The following SULT4A1 variants were observed in gnomAD, a reference collection of about 807,000 sequenced individuals.
The protein encoded by SULT4A1 is sulfotransferase family 4A member 1, also known as sulfotransferase 4A1.
Under a neutral mutation model 35.2 loss-of-function variants are expected in SULT4A1, and 11 were observed. The ratio of observed to expected loss-of-function variants is 0.31; its 90% CI spans 0.20 to 0.52. SULT4A1 has a LOEUF of 0.52. Among genes scored for constraint, SULT4A1 ranks in the 20% least tolerant of loss-of-function variants. The pLI, the probability that SULT4A1 is intolerant of heterozygous loss-of-function variation, is 0.97. For synonymous variants in SULT4A1, 152 were observed against 151.8 expected (o/e 1.00, Z -0.01); for missense variants, 271 against 383.7 (o/e 0.71, Z 2.45).
intron 2 of SULT4A1, among the ~76,000 whole-genome samples, chr22:43,840,976 G>A (rs1603406803): frequency 1.3e-5 from 2 of 152,206 alleles, no homozygotes; most frequent in South Asian, 2.1e-4. Flanking sequence ...TCCCCTCCCA[G>A]CGCTGATCGC....
intron 2 of SULT4A1, among the ~76,000 whole-genome samples, 169 bp downstream of exon 2, chr22:43,841,633 G>A (rs1036516276): frequency 1.3e-5 from 2 of 152,162 alleles, no homozygotes; most frequent in East Asian, 3.9e-4. Context: ...GCCCTCATCG[G>A]GTTCCAGGTC....
At chr22:43,854,917 A>G (rs2049385748) in intron 1 of SULT4A1, among the ~76,000 whole-genome samples, 1 of 152,150 alleles carries the variant, frequency 6.6e-6, no homozygotes. Flanking sequence ...GCCCTGAGAG[A>G]GGCGACAGTC....
chr22:43,826,704 C>T (rs1457535252), intron 6 of SULT4A1: 2 of 985,330 alleles, frequency 2.0e-6, no homozygotes. Flanking sequence ...ATGCAGATTT[C>T]AAGAAGCCTG....
intron 1 of SULT4A1, among the ~76,000 whole-genome samples, chr22:43,855,297 G>C (rs2049390273): frequency 1.3e-5 from 2 of 152,232 alleles, no homozygotes; most frequent in Non-Finnish European, 2.9e-5. Flanking sequence ...TCATGGCAAA[G>C]TTGTGAGGAT....
At chr22:43,839,057 A>G in intron 3 of SULT4A1, 64 bp from the exon 4 acceptor site, 1 of 1,594,866 alleles carries the variant, frequency 6.3e-7, no homozygotes, top group African/African-American at 1.3e-5. Flanking sequence ...CTGCCCCGAC[A>G]CAGGCCAGCC....
At chr22:43,831,596 A>ATT (rs2063326393) in intron 5 of SULT4A1, among the ~76,000 whole-genome samples, 2 of 152,218 alleles carry the variant, frequency 1.3e-5, no homozygotes, top group African/African-American at 4.8e-5. Flanking sequence ...AAGCGGTGGC[A>ATT]CATTCGTGCT....
intron 5 of SULT4A1, among the ~76,000 whole-genome samples, chr22:43,830,240 C>T (rs1342930576): frequency 6.6e-6 from 1 of 152,192 alleles, no homozygotes; most frequent in African/African-American, 2.4e-5. Context: ...CCAAGAACTC[C>T]ATTTCAAAGA....
chr22:43,850,892 G>A (rs1457953846), intron 1 of SULT4A1, among the ~76,000 whole-genome samples: 1 of 152,110 alleles, frequency 6.6e-6, no homozygotes, highest in East Asian at 1.9e-4. Context: ...TTTTCTCTCT[G>A]TGGGAGCTTT....
chr22:43,862,465 C>G lies in SULT4A1; in HGVS notation c.-83G>C, dbSNP rs2049487015. The G allele has an allele frequency of 1.8e-6, 1 of 567,430 alleles. No individual in the cohort carries two copies. Among genetic ancestry groups the G allele is most frequent in the African/African-American group, 2.2e-5 (1 of 45,328 alleles). 35.1% of individuals were successfully genotyped at this position (567,430 alleles called of 1,614,324 possible). A position where few individuals can be genotyped will look rare whatever the true frequency, so the allele number is the denominator to read the frequency against. On this transcript the variant is annotated 5_prime_UTR_variant, in exon 1 of 7. Coordinates refer to ENST00000330884, the MANE Select transcript of SULT4A1 (RefSeq NM_014351.4). ...CGCCCGCGCCCGCGCCCGCGCCCCG[C>G]ACACGCTCGCGCCCCACCGGCGCGC...
chr22:43,854,493 TAA>T (rs1241394641), intron 1 of SULT4A1, among the ~76,000 whole-genome samples: 1 of 152,110 alleles, frequency 6.6e-6, no homozygotes, highest in Non-Finnish European at 1.5e-5. Flanking sequence ...AATTCAGACC[TAA>T]GTCTTTATAA....
intron 6 of SULT4A1, among the ~76,000 whole-genome samples, chr22:43,828,459 A>G (rs886554790): frequency 6.6e-6 from 1 of 152,214 alleles, no homozygotes; most frequent in African/African-American, 2.4e-5. Flanking sequence ...TGCCGCCAAG[A>G]GCAGGAACTG....
chr22:43,861,927 C>T (rs2049474210), intron 1 of SULT4A1, among the ~76,000 whole-genome samples: 1 of 152,238 alleles, frequency 6.6e-6, no homozygotes, highest in African/African-American at 2.4e-5. Context: ...CTGGGCCCAT[C>T]CTCCTGCAGC....
chr22:43,854,707 C>T (rs1272082543), intron 1 of SULT4A1, among the ~76,000 whole-genome samples: 1 of 152,178 alleles, frequency 6.6e-6, no homozygotes, highest in Admixed American at 6.5e-5. Context: ...GAGTTGGCAC[C>T]TGCCCCCCAC....
Position 43,841,838 on chromosome 22 carries a change from G to A in SULT4A1, c.264C>T (p.Val88=). ...GLMNIDEQLP[V]LEYPQPGLDI... ...CCAGGCCCGGCTGTGGGTACTCCAGGACCGGGAGCTGCTCGTCGATGTTCA... is the reference window on the plus strand; with the variant it reads ...CCAGGCCCGGCTGTGGGTACTCCAGAACCGGGAGCTGCTCGTCGATGTTCA... The change falls in exon 2 of 7, where the codon GTC becomes GTT. Residue 88 remains valine (V), a synonymous_variant. Transcript: ENST00000330884. 1 of 1,614,008 alleles carries A rather than the reference G, an allele frequency of 6.2e-7. No individual in the cohort carries two copies. The highest frequency in any genetic ancestry group is 8.5e-7 in the Non-Finnish European group (1 of 1,179,902).
At chr22:43,856,941 C>T (rs766805320) in intron 1 of SULT4A1, among the ~76,000 whole-genome samples, 4 of 152,058 alleles carry the variant, frequency 2.6e-5, no homozygotes, top group Non-Finnish European at 4.4e-5. Context: ...AAAAGGCACA[C>T]GCGCACACAC....
intron 4 of SULT4A1, among the ~76,000 whole-genome samples, chr22:43,836,355 C>T (rs1050189881): frequency 7.0e-6 from 1 of 143,344 alleles, no homozygotes; most frequent in Non-Finnish European, 1.5e-5. Context: ...GTCTACACAG[C>T]GTCCTCCAAC....
chr22:43,827,473 T>C, intron 6 of SULT4A1: 1 of 1,254,848 alleles, frequency 8.0e-7, no homozygotes. Context: ...ATTATTTTTC[T>C]CAGCTGAGAC....
chr22:43,829,133 C>T lies in SULT4A1; in HGVS notation c.669G>A (p.Leu223=). 6.4e-7 allele frequency: 1 copy of T among 1,560,452 alleles called. No homozygotes were observed. Among genetic ancestry groups the T allele is most frequent in the Non-Finnish European group, 8.7e-7 (1 of 1,152,282 alleles). ...GGTGGCAGTGCTCCGTCAGGGCTTC[C>T]AGCTGGGCCTTGTCACAGGACACCC... The part of the protein sequence containing the change: ...FLGVSCDKAQ[L]EALTEHCHQL... The change falls in exon 6 of 7, where the codon CTG becomes CTA. Residue 223 remains leucine, a synonymous_variant. Transcript: ENST00000330884.
At chr22:43,842,981 C>CTCTG (rs1296035222) in intron 1 of SULT4A1, among the ~76,000 whole-genome samples, 1 of 146,528 alleles carries the variant, frequency 6.8e-6, no homozygotes, top group Non-Finnish European at 1.5e-5. Flanking sequence ...CAGCATCTCT[C>CTCTG]TCTCTCTCTC....
Sources: gnomAD v4.1 joint callset for allele counts (sites outside exome capture counted in the v4.1 genomes callset) on GRCh38, gnomAD v4.1.1 for gene constraint, MANE v1.5 for transcripts, NCBI Gene and HGNC (gene_info 2026-07-23, HGNC 2026-07-21) for gene names.